The following CTNNA3 variants were observed in gnomAD, a reference collection of about 807,000 sequenced individuals.
CTNNA3 encodes the protein catenin alpha-3.
In CTNNA3, 76 loss-of-function variants were observed where a neutral mutation model predicts 95.7. The observed-to-expected ratio is 0.79, with a 90% CI of 0.66 to 0.96. CTNNA3 has a LOEUF of 0.96. Ranked by LOEUF, CTNNA3 falls within the 40% of genes least tolerant of loss-of-function variation. CTNNA3 has a pLI of 0.00. For missense variants in CTNNA3, 1,191 were observed against 1,089.8 expected, an observed-to-expected ratio of 1.09 and a Z score of -1.31; for synonymous variants, 431 against 374.4, an observed-to-expected ratio of 1.15 and a Z score of -1.74.
At chr10:65,948,814 T>A (rs1171842812) in intron 17 of CTNNA3, among the ~76,000 whole-genome samples, 1 of 152,194 alleles carries the variant, frequency 6.6e-6, no homozygotes, top group African/African-American at 2.4e-5. Flanking sequence ...CTCTTTAAAT[T>A]TGAAGCCTGA....
At chr10:65,946,551 A>G (rs1198700356) in intron 17 of CTNNA3, among the ~76,000 whole-genome samples, 1 of 152,186 alleles carries the variant, frequency 6.6e-6, no homozygotes, top group Non-Finnish European at 1.5e-5. Flanking sequence ...TTTATTATTA[A>G]AAACATCACC....
intron 7 of CTNNA3, among the ~76,000 whole-genome samples, chr10:67,150,853 G>A (rs1217543634): frequency 6.6e-6 from 1 of 152,152 alleles, no homozygotes; most frequent in African/African-American, 2.4e-5. Context: ...GATTTGGTAT[G>A]AGGGGAAGAA....
intron 3 of CTNNA3, among the ~76,000 whole-genome samples, chr10:67,560,466 C>T (rs1841464903): frequency 6.6e-6 from 1 of 152,048 alleles, no homozygotes; most frequent in Admixed American, 6.6e-5. Flanking sequence ...CAGGCCTGCC[C>T]TAAAACAGCT....
At chr10:66,280,174 G>C (rs892868841) in intron 13 of CTNNA3, among the ~76,000 whole-genome samples, 2 of 151,832 alleles carry the variant, frequency 1.3e-5, no homozygotes, top group African/African-American at 4.8e-5. Context: ...TTTTTCTTTG[G>C]CTTCTGATCA....
intron 1 of CTNNA3, among the ~76,000 whole-genome samples, chr10:67,688,478 A>G (rs753860189): frequency 6.6e-6 from 1 of 152,192 alleles, no homozygotes; most frequent in African/African-American, 2.4e-5. Flanking sequence ...AAGCTTGGAC[A>G]TAAGGTATTT....
intron 7 of CTNNA3, among the ~76,000 whole-genome samples, chr10:66,958,792 C>T (rs1346030713): frequency 6.6e-6 from 1 of 151,980 alleles, no homozygotes; most frequent in African/African-American, 2.4e-5. Context: ...TTGAGATCCT[C>T]CAAATATGAC....
chr10:66,602,156 A>G (rs900221730), intron 10 of CTNNA3, among the ~76,000 whole-genome samples: 2 of 151,892 alleles, frequency 1.3e-5, no homozygotes, highest in Admixed American at 1.3e-4. Context: ...AGAAGTTCTT[A>G]GGATCTATGG....
At chr10:66,060,268 G>C (rs2080168433) in intron 15 of CTNNA3, among the ~76,000 whole-genome samples, 1 of 151,690 alleles carries the variant, frequency 6.6e-6, no homozygotes, top group Non-Finnish European at 1.5e-5. Flanking sequence ...CAAAAAACGG[G>C]GCCATAATTT....
rs565856687 is a variant in CTNNA3 at position 66,193,935 on chromosome 10, A to G, written c.1884+86535T>C. Among the ~76,000 whole-genome samples the G allele has an allele frequency of 7.2e-5, 11 of 152,302 alleles. No homozygotes were observed. The South Asian group carries it at 2.3e-3, about 32-fold the overall frequency. On this transcript the variant is annotated intron_variant, in intron 13 of 17. Transcript: ENST00000433211. ...TATTGTCCATACACAGCCAAATAGCACTTGGATAGTCTGTGAATATAATTA... is the reference window on the plus strand; with the variant it reads ...TATTGTCCATACACAGCCAAATAGCGCTTGGATAGTCTGTGAATATAATTA...
chr10:67,577,402 G>A (rs1359538073), intron 3 of CTNNA3, among the ~76,000 whole-genome samples: 5 of 152,056 alleles, frequency 3.3e-5, no homozygotes, highest in Non-Finnish European at 7.4e-5. Context: ...GTAAATTTGA[G>A]TTCCTTGTAG....
chr10:66,735,824 C>T (rs1205403857), intron 9 of CTNNA3, among the ~76,000 whole-genome samples: 1 of 152,154 alleles, frequency 6.6e-6, no homozygotes. Flanking sequence ...AGAGTAAATT[C>T]CTTGGCTCCA....
At chr10:66,668,232 G>T (rs140638861) in intron 9 of CTNNA3, among the ~76,000 whole-genome samples, 13 of 152,192 alleles carry the variant, frequency 8.5e-5, no homozygotes, top group African/African-American at 3.1e-4. Context: ...AAGAACTGAT[G>T]ATGGAAAAGG....
At position 66,021,852 on chromosome 10, in the gene CTNNA3, CTTT is replaced by C. The variant is rs34671813; in HGVS notation, c.2160-33058_2160-33056del. On this transcript the variant is annotated intron_variant, in intron 15 of 17. Coordinates refer to ENST00000433211, the MANE Select transcript of CTNNA3 (RefSeq NM_013266.4). ...GGAAATTCCATATACAGGATCTTGG[CTTT>C]TTTTTTTTTTTTTAGATAGATAGGG... Among the ~76,000 whole-genome samples the C allele has an allele frequency of 1.1e-4, 8 of 75,938 alleles. 1 individual carries two copies. The highest frequency in any genetic ancestry group is 3.9e-4 in the African/African-American group (8 of 20,298). The allele number at this position is 75,938 out of a possible 152,430, so 49.8% of individuals were successfully genotyped here.
intron 10 of CTNNA3, among the ~76,000 whole-genome samples, chr10:66,578,441 T>C (rs1163451077): frequency 1.3e-5 from 2 of 152,070 alleles, no homozygotes; most frequent in Non-Finnish European, 2.9e-5. Context: ...TGCTATGATG[T>C]TGGCTATGGG....
intron 7 of CTNNA3, among the ~76,000 whole-genome samples, chr10:66,806,122 G>A (rs555608291): frequency 2.0e-5 from 3 of 151,990 alleles, no homozygotes; most frequent in Non-Finnish European, 4.4e-5. Flanking sequence ...ATAGCTATTT[G>A]ATTATAAGAG....
intron 7 of CTNNA3, among the ~76,000 whole-genome samples, chr10:66,948,522 A>G (rs1217294797): frequency 6.6e-6 from 1 of 152,188 alleles, no homozygotes; most frequent in Admixed American, 6.5e-5. Context: ...GCTCTCAATT[A>G]AAGATCTACT....
intron 5 of CTNNA3, among the ~76,000 whole-genome samples, chr10:67,350,023 G>A (rs1842573466): frequency 1.3e-5 from 2 of 152,134 alleles, no homozygotes; most frequent in Admixed American, 1.3e-4. Flanking sequence ...AATAAGATGA[G>A]TCCTGTTGCA....
chr10:67,115,859 C>G (rs57080596), intron 7 of CTNNA3, among the ~76,000 whole-genome samples: 1,541 of 151,772 alleles, frequency 0.01, 28 homozygotes, highest in African/African-American at 0.035. Flanking sequence ...CTGACACTTC[C>G]TAGGCCAAAT....
At chr10:66,460,922 TA>T (rs1305843722) in intron 11 of CTNNA3, among the ~76,000 whole-genome samples, 1 of 152,186 alleles carries the variant, frequency 6.6e-6, no homozygotes, top group Non-Finnish European at 1.5e-5. Context: ...GTTATTGGCT[TA>T]AAACATTATT....
Sources: allele counts gnomAD v4.1 joint callset (sites outside exome capture counted in the v4.1 genomes callset), GRCh38; gene constraint gnomAD v4.1.1; transcripts MANE v1.5; gene names NCBI Gene and HGNC (gene_info 2026-07-23, HGNC 2026-07-21).